LRRC4C: variants seen among roughly 807,000 people sequenced by gnomAD.
LRRC4C encodes leucine rich repeat containing 4C.
LRRC4C carries 5 observed loss-of-function variants against 33.6 expected under a neutral mutation model. The ratio of observed to expected loss-of-function variants is 0.15; its 90% confidence interval spans 0.08 to 0.31. The LOEUF (loss-of-function observed/expected upper bound fraction) is 0.31. Among genes scored for constraint, LRRC4C ranks in the 10% least tolerant of loss-of-function variants. The pLI is 1.00. For synonymous variants in LRRC4C, 329 were observed against 302.0 expected, an observed-to-expected ratio of 1.09 and a Z score of -0.93; for missense variants, 560 against 796.7, an observed-to-expected ratio of 0.70 and a Z score of 3.58.
At chr11:40,925,033 G>A (rs1423967845) in intron 2 of LRRC4C, among the ~76,000 whole-genome samples, 1 of 152,006 alleles carries the variant, frequency 6.6e-6, no homozygotes, top group Non-Finnish European at 1.5e-5. Context: ...CTTCTGGGTT[G>A]TTTCTTCCAG....
chr11:40,396,048 G>C (rs1296307212), intron 3 of LRRC4C, among the ~76,000 whole-genome samples: 1 of 151,982 alleles, frequency 6.6e-6, no homozygotes, highest in African/African-American at 2.4e-5. Context: ...TTATCCACTT[G>C]CTCCTATATA....
At chr11:41,041,355 A>C (rs1297771590) in intron 1 of LRRC4C, among the ~76,000 whole-genome samples, 1 of 152,186 alleles carries the variant, frequency 6.6e-6, no homozygotes, top group African/African-American at 2.4e-5. Flanking sequence ...AATGAGAGAA[A>C]GGATATAAAA....
chr11:40,670,899 G>A (rs563645059), intron 2 of LRRC4C, among the ~76,000 whole-genome samples: 1 of 152,132 alleles, frequency 6.6e-6, no homozygotes, highest in Non-Finnish European at 1.5e-5. Flanking sequence ...GAGTGGCTGG[G>A]ACTATAGGTG....
intron 1 of LRRC4C, among the ~76,000 whole-genome samples, chr11:41,199,210 AGTTT>A (rs1389437121): frequency 2.0e-5 from 3 of 152,104 alleles, no homozygotes; most frequent in African/African-American, 7.2e-5. Flanking sequence ...AGTATTCCTG[AGTTT>A]GTTCAATTCT....
At chr11:40,261,385 T>C (rs1941816800) in intron 4 of LRRC4C, among the ~76,000 whole-genome samples, 1 of 152,156 alleles carries the variant, frequency 6.6e-6, no homozygotes, top group African/African-American at 2.4e-5. Flanking sequence ...GTAAGGGTTA[T>C]GTTTTGTCAG....
chr11:41,304,144 G>A (rs1474061047), intron 1 of LRRC4C, among the ~76,000 whole-genome samples: 25 of 88,784 alleles, frequency 2.8e-4, no homozygotes, highest in African/African-American at 6.1e-4. Context: ...CCCTCAGCCC[G>A]GCCAGCCGCC....
At chr11:40,659,527 T>A (rs998209844) in intron 2 of LRRC4C, among the ~76,000 whole-genome samples, 2 of 152,118 alleles carry the variant, frequency 1.3e-5, no homozygotes, top group African/African-American at 4.8e-5. Flanking sequence ...CCAATCAGCA[T>A]GCACTTCCTC....
chr11:40,163,260 G>C (rs1453222398), intron 5 of LRRC4C, among the ~76,000 whole-genome samples: 4 of 152,174 alleles, frequency 2.6e-5, no homozygotes, highest in Non-Finnish European at 5.9e-5. Flanking sequence ...ATACAGCCCA[G>C]AGAGAAAGAT....
intron 2 of LRRC4C, among the ~76,000 whole-genome samples, chr11:40,869,548 G>T (rs1423719782): frequency 3.9e-5 from 6 of 152,202 alleles, no homozygotes; most frequent in African/African-American, 1.2e-4. Context: ...GCTCAAGCAC[G>T]TTCACTAAAA....
chr11:41,325,601 G>A (rs1157692767), intron 1 of LRRC4C, among the ~76,000 whole-genome samples: 1 of 144,432 alleles, frequency 6.9e-6, no homozygotes, highest in Non-Finnish European at 1.5e-5. Flanking sequence ...GTGTGTGTGT[G>A]TGTGTGTGTG....
At chr11:41,321,943 C>T (rs1190093582) in intron 1 of LRRC4C, among the ~76,000 whole-genome samples, 2 of 152,054 alleles carry the variant, frequency 1.3e-5, no homozygotes, top group Non-Finnish European at 2.9e-5. Flanking sequence ...CAGTTCACTG[C>T]AACCTCCACC....
At chr11:41,398,629 G>T (rs1469773947) in intron 1 of LRRC4C, among the ~76,000 whole-genome samples, 2 of 151,878 alleles carry the variant, frequency 1.3e-5, no homozygotes, top group African/African-American at 4.8e-5. Context: ...GTTTGATCTT[G>T]ATTTCAATTC....
At chr11:41,238,055 A>T (rs1948098737) in intron 1 of LRRC4C, among the ~76,000 whole-genome samples, 1 of 152,170 alleles carries the variant, frequency 6.6e-6, no homozygotes, top group Non-Finnish European at 1.5e-5. Context: ...TTTCCTAAAC[A>T]AATTCCCACT....
chr11:40,202,729 C>T (rs190184213), intron 5 of LRRC4C, among the ~76,000 whole-genome samples: 1 of 152,208 alleles, frequency 6.6e-6, no homozygotes, highest in Admixed American at 6.5e-5. Context: ...TCAAACCAGC[C>T]TGCAGGGATC....
chr11:41,156,000 AG>A (rs1286343282), intron 1 of LRRC4C, among the ~76,000 whole-genome samples: 1 of 152,118 alleles, frequency 6.6e-6, no homozygotes, highest in African/African-American at 2.4e-5. Flanking sequence ...AGTCAGAGGA[AG>A]GATTTTAGCA....
intron 1 of LRRC4C, among the ~76,000 whole-genome samples, chr11:40,988,506 G>GTA (rs1853235933): frequency 6.6e-6 from 1 of 151,994 alleles, no homozygotes; most frequent in African/African-American, 2.4e-5. Flanking sequence ...AGCTTACTAT[G>GTA]CCTTCTGAAC....
chr11:40,643,679 C>T (rs12226216), intron 3 of LRRC4C, among the ~76,000 whole-genome samples: 31,450 of 152,008 alleles, frequency 0.21, 3,564 homozygotes, highest in East Asian at 0.47. Context: ...AGTTACAAGT[C>T]ATTCCTATTC....
intron 3 of LRRC4C, among the ~76,000 whole-genome samples, chr11:40,559,254 C>T (rs945943105): frequency 8.0e-5 from 12 of 149,556 alleles, no homozygotes; most frequent in Non-Finnish European, 1.3e-4. Context: ...TGCATCTCAG[C>T]TCACTGCAAC....
At chr11:40,158,260 G>C (rs1049118853) in intron 5 of LRRC4C, among the ~76,000 whole-genome samples, 1 of 152,052 alleles carries the variant, frequency 6.6e-6, no homozygotes, top group Non-Finnish European at 1.5e-5. Flanking sequence ...TGGGGACTTG[G>C]GGGGAAGAGT....
Sources: gnomAD v4.1 joint callset for allele counts (sites outside exome capture counted in the v4.1 genomes callset) on GRCh38, gnomAD v4.1.1 for gene constraint, MANE v1.5 for transcripts, NCBI Gene and HGNC (gene_info 2026-07-23, HGNC 2026-07-21) for gene names.